Variants in C11orf16 observed in about 807,000 individuals in gnomAD.
C11orf16 encodes the protein uncharacterized protein C11orf16.
Under a neutral mutation model 45.1 loss-of-function variants are expected in C11orf16, and 38 were observed. The ratio of observed to expected loss-of-function variants is 0.84; its 90% CI spans 0.65 to 1.10. The LOEUF (loss-of-function observed/expected upper bound fraction) is 1.10. C11orf16 is among the 50% of genes least tolerant of loss of function. The pLI is 0.00. For missense variants in C11orf16, 583 were observed against 569.5 expected (o/e 1.02, Z -0.24); for synonymous variants, 221 against 222.0 (o/e 1.00, Z 0.04).
Position 8,925,690 on chromosome 11 carries a change from A to T in C11orf16, c.977T>A (p.Val326Glu), listed in dbSNP as rs763750789. 7.4e-6 allele frequency: 12 copies of T among 1,614,232 alleles called. No homozygotes were observed. In the South Asian group the frequency reaches 8.8e-5, roughly 12 times the overall value. The part of the protein sequence containing the change: ...LPLEGPKEEK[V>E]AMHAPLAVSS... The stretch of plus-strand genomic sequence containing the variant: ...AACAGCCAGGGGAGCGTGCATTGCT[A>T]CTTTCTCCTCTTTAGGACCTTCCAG... Residue 326 changes from valine to glutamate, a missense_variant, in exon 5 of 7, where the codon GTA becomes GAA. Transcript: ENST00000326053.
intron 5 of C11orf16, among the ~76,000 whole-genome samples, chr11:8,924,880 C>T (rs2064599316): frequency 6.6e-6 from 1 of 152,210 alleles, no homozygotes; most frequent in Non-Finnish European, 1.5e-5. Context: ...ACACAGTTCT[C>T]AGCTGGAGGC....
intron 3 of C11orf16, 34 bp from the exon 4 acceptor site, chr11:8,927,208 G>A: frequency 1.3e-6 from 2 of 1,555,604 alleles, no homozygotes; most frequent in Admixed American, 1.8e-5. Context: ...ATAAGACCTG[G>A]CATTACAAAG....
rs560516614 is a variant in C11orf16 at position 8,924,515 on chromosome 11, G to C, written c.1204+948C>G. 1.9e-4 allele frequency among the ~76,000 whole-genome samples: 4 copies of C among 21,076 alleles called. No homozygotes were observed. The Admixed American group carries it at 4.2e-3, about 22-fold the overall frequency. The allele number at this position is 21,076 out of a possible 152,430, so 13.8% of individuals were successfully genotyped here. ...CACTCCAGCCTGGGCAACAGAGTGA[G>C]ACTCTTTGTCTCAAAACAACAACAA... is the stretch of plus-strand genomic sequence containing the variant. On this transcript the variant is annotated intron_variant, in intron 5 of 6. Coordinates refer to ENST00000326053, the MANE Select transcript of C11orf16 (RefSeq NM_020643.3).
rs757811274 is a variant in C11orf16, at chr11:8,932,201, G to A, written c.108C>T (p.Ser36=). 7 of 1,597,044 alleles carry A rather than the reference G, an allele frequency of 4.4e-6. No homozygotes were observed. The East Asian group carries it at 1.6e-4, about 36-fold the overall frequency. Residue 36 remains serine, a synonymous_variant, in exon 2 of 7, where the codon TCC becomes TCT. Coordinates refer to ENST00000326053, the MANE Select transcript of C11orf16 (RefSeq NM_020643.3). ...CTTGGAGGGCAAAGGGGTAGGTGAA[G>A]GAGAGGTCCCAAGGTGGAGCAGCAC... is the stretch of plus-strand genomic sequence containing the variant. The part of the protein sequence containing the change: ...WDGAAPPWDL[S]FTYPFALQAP...
At position 8,926,933 on chromosome 11, in the gene C11orf16, C is replaced by T. The variant is rs370265782; in HGVS notation, c.559+7G>A. The T allele has an allele frequency of 5.6e-6, 9 of 1,611,246 alleles. No individual in the cohort carries two copies. The African/African-American group carries it at 1.1e-4, about 19-fold the overall frequency. ...GGGCACTGATGGGTCAGAGCAGCTT[C>T]TCTTACCTCTCTGGGGATCTCTCAT... On this transcript the variant is annotated splice_region_variant and intron_variant, in intron 4 of 6. Transcript: ENST00000326053.
chr11:8,927,565 C>A (rs1405063424), intron 3 of C11orf16: 1 of 457,384 alleles, frequency 2.2e-6, no homozygotes, highest in Non-Finnish European at 4.4e-6. Flanking sequence ...CAAGAAGCGT[C>A]GCTCCTGTGT....
intron 2 of C11orf16, among the ~76,000 whole-genome samples, chr11:8,931,783 T>G (rs2064651529): frequency 6.6e-6 from 1 of 151,938 alleles, no homozygotes; most frequent in African/African-American, 2.4e-5. Flanking sequence ...GCCTCGGCCT[T>G]CCAAAGTGCT....
intron 4 of C11orf16, among the ~76,000 whole-genome samples, 195 bp from the exon 5 acceptor site, chr11:8,926,302 C>T (rs1401835397): frequency 3.3e-5 from 5 of 151,136 alleles, no homozygotes; most frequent in Non-Finnish European, 7.4e-5. Flanking sequence ...CCTCAGCCTC[C>T]GAAGTAGCTT....
chr11:8,929,517 G>A lies in C11orf16; in HGVS notation c.184C>T (p.Pro62Ser). The A allele has an allele frequency of 6.2e-7, 1 of 1,612,636 alleles. No homozygotes were observed. Among genetic ancestry groups the A allele is most frequent in the Non-Finnish European group, 8.5e-7 (1 of 1,179,560 alleles). The change falls in exon 3 of 7, where the codon CCA becomes TCA. Residue 62 changes from proline to serine, a missense_variant. Physicochemically the swap from Pro to Ser is moderately conservative, Grantham distance 74 (BLOSUM62 -1). Coordinates refer to ENST00000326053, the MANE Select transcript of C11orf16 (RefSeq NM_020643.3). ...GCTGGGTCGGCAACGTGGAGACATGGGCAAGAAGAGGCATGCCTGGAAAAA... is the reference window on the plus strand; with the variant it reads ...GCTGGGTCGGCAACGTGGAGACATGAGCAAGAAGAGGCATGCCTGGAAAAA... ...KPLARHASSC[P>S]CLHVADPAWQ...
At chr11:8,930,286 C>T (rs1368080159) in intron 2 of C11orf16, among the ~76,000 whole-genome samples, 1 of 151,488 alleles carries the variant, frequency 6.6e-6, no homozygotes, top group Non-Finnish European at 1.5e-5. Flanking sequence ...ATTAGGTGGG[C>T]GTGGTGGTGG....
At position 8,929,517 on chromosome 11, in the gene C11orf16, G is replaced by C. The variant is rs779783845; in HGVS notation, c.184C>G (p.Pro62Ala). 8 of 1,612,636 alleles carry C rather than the reference G, an allele frequency of 5.0e-6. No individual in the cohort carries two copies. The South Asian group carries it at 7.7e-5, about 16-fold the overall frequency. The stretch of plus-strand genomic sequence containing the variant: ...GCTGGGTCGGCAACGTGGAGACATG[G>C]GCAAGAAGAGGCATGCCTGGAAAAA... Reference protein sequence around the residue: ...KPLARHASSCPCLHVADPAWQ... With the variant: ...KPLARHASSCACLHVADPAWQ... The change falls in exon 3 of 7, where the codon CCA becomes GCA. Residue 62 changes from proline to alanine, a missense_variant. Transcript: ENST00000326053.
intron 3 of C11orf16, among the ~76,000 whole-genome samples, chr11:8,928,221 T>C (rs1325873309): frequency 6.6e-6 from 1 of 152,172 alleles, no homozygotes; most frequent in Non-Finnish European, 1.5e-5. Context: ...AACTGACTTT[T>C]GATTGGAAAT....
chr11:8,932,866 C>T (rs1237144052), intron 1 of C11orf16, 35 bp downstream of exon 1: 1 of 152,994 alleles, frequency 6.5e-6, no homozygotes, highest in Non-Finnish European at 1.5e-5. Context: ...TCTGCCCCTG[C>T]CCAAGTCCAC....
chr11:8,927,516 G>A, intron 3 of C11orf16: 1 of 447,598 alleles, frequency 2.2e-6, no homozygotes, highest in Non-Finnish European at 4.4e-6. Context: ...GGTCCTCCCT[G>A]GACCTTTTCT....
chr11:8,926,250 C>T (rs1203061488), intron 4 of C11orf16, 143 bp from the exon 5 acceptor site: 2 of 792,302 alleles, frequency 2.5e-6, no homozygotes, highest in Non-Finnish European at 3.7e-6. Context: ...ACAGTGATAG[C>T]TCACTGCAGC....
At chr11:8,924,223 G>A (rs1019759617) in intron 5 of C11orf16, among the ~76,000 whole-genome samples, 2 of 152,024 alleles carry the variant, frequency 1.3e-5, no homozygotes, top group Non-Finnish European at 2.9e-5. Context: ...TACCCTTGGG[G>A]CAAGATTTAA....
intron 5 of C11orf16, 129 bp from the exon 6 acceptor site, chr11:8,921,644 G>T: frequency 1.1e-6 from 1 of 900,206 alleles, no homozygotes. Context: ...TTATGTATTT[G>T]AGACAGGGTC....
chr11:8,921,018 GAC>G (rs1203078931), intron 6 of C11orf16, among the ~76,000 whole-genome samples: 1 of 152,066 alleles, frequency 6.6e-6, no homozygotes, highest in Non-Finnish European at 1.5e-5. Context: ...GTGAGGAATA[GAC>G]TCCATATTCA....
At chr11:8,930,303 G>A (rs1285536866) in intron 2 of C11orf16, among the ~76,000 whole-genome samples, 5 of 151,708 alleles carry the variant, frequency 3.3e-5, no homozygotes, top group Non-Finnish European at 7.4e-5. Context: ...GTGGGTGCCT[G>A]TAGTCTCAGC....
Sources: allele counts gnomAD v4.1 joint callset (sites outside exome capture counted in the v4.1 genomes callset), GRCh38; gene constraint gnomAD v4.1.1; transcripts MANE v1.5; gene names NCBI Gene and HGNC (gene_info 2026-07-23, HGNC 2026-07-21).